Variants in ZBTB40 observed in about 807,000 individuals in gnomAD.
The protein encoded by ZBTB40 is zinc finger and BTB domain containing 40, also known as zinc finger and BTB domain-containing protein 40.
ZBTB40 carries 60 observed loss-of-function variants against 117.5 expected under a neutral mutation model. The ratio of observed to expected loss-of-function variants is 0.51; its 90% CI spans 0.41 to 0.63. The LOEUF (loss-of-function observed/expected upper bound fraction) is 0.63. Among genes scored for constraint, ZBTB40 ranks in the 30% least tolerant of loss-of-function variants. The probability of loss-of-function intolerance (pLI) is 0.00; values close to 1 mark genes in which losing one functional copy is unlikely to be tolerated. For missense variants in ZBTB40, 1,287 were observed against 1,498.5 expected (o/e 0.86, Z 2.33); for synonymous variants, 525 against 577.1 (o/e 0.91, Z 1.29).
At chr1:22,518,720 T>C (rs1444283710) in intron 13 of ZBTB40, among the ~76,000 whole-genome samples, 1 of 152,226 alleles carries the variant, frequency 6.6e-6, no homozygotes, top group Non-Finnish European at 1.5e-5. Flanking sequence ...GAAAATAAAG[T>C]GTGGCCCTTT....
At chr1:22,448,817 T>A (rs549784384), upstream of ZBTB40, among the ~76,000 whole-genome samples, 209 of 151,650 alleles carry the variant, frequency 1.4e-3, no homozygotes, top group African/African-American at 3.9e-3. Flanking sequence ...TTTTTCTTTT[T>A]AAATTTTTTT....
At chr1:22,487,849 GC>G (rs1331410519) in intron 1 of ZBTB40, among the ~76,000 whole-genome samples, 6 of 151,992 alleles carry the variant, frequency 3.9e-5, no homozygotes, top group African/African-American at 1.4e-4. Flanking sequence ...CGTAAGCATG[GC>G]CTATATATCC....
chr1:22,464,359 A>G (rs191803043), intron 1 of ZBTB40, among the ~76,000 whole-genome samples: 13 of 152,358 alleles, frequency 8.5e-5, no homozygotes, highest in Admixed American at 8.5e-4. Context: ...GCAACATTAC[A>G]TGGGCAGTAA....
intron 9 of ZBTB40, among the ~76,000 whole-genome samples, chr1:22,510,788 C>G (rs1423486326): frequency 6.6e-6 from 1 of 152,100 alleles, no homozygotes; most frequent in African/African-American, 2.4e-5. Context: ...ATTATGAAAA[C>G]TTATTCTGAT....
intron 2 of ZBTB40, 150 bp downstream of exon 2, chr1:22,490,795 CTG>C (rs1435412779): frequency 1.6e-5 from 14 of 897,600 alleles, no homozygotes; most frequent in Non-Finnish European, 2.4e-5. Flanking sequence ...TTAAAAGTGT[CTG>C]TGTTTTTGAA....
intron 3 of ZBTB40, among the ~76,000 whole-genome samples, chr1:22,492,191 C>A (rs1431392938): frequency 6.6e-6 from 1 of 152,192 alleles, no homozygotes; most frequent in African/African-American, 2.4e-5. Context: ...AGAATTGAAA[C>A]CTCAGCATTC....
chr1:22,440,310 A>G (rs1315963595), intron 1 of ZBTB40, among the ~76,000 whole-genome samples: 1 of 151,960 alleles, frequency 6.6e-6, no homozygotes, highest in African/African-American at 2.4e-5. Flanking sequence ...AATGCCTTTT[A>G]TTTTTTTCTT....
chr1:22,489,933 G>A lies in ZBTB40; in HGVS notation c.-16G>A, dbSNP rs755238602. 6.2e-7 allele frequency: 1 copy of A among 1,607,678 alleles called. No individual in the cohort carries two copies. Among genetic ancestry groups the A allele is most frequent in the South Asian group, 1.1e-5 (1 of 90,956 alleles). ...GAGAGGAGAGGAAGAGCAGTTCTTGGGGCAGAGTTGACGCAATGGAGCTCC... is the reference window on the plus strand; with the variant it reads ...GAGAGGAGAGGAAGAGCAGTTCTTGAGGCAGAGTTGACGCAATGGAGCTCC... On this transcript the variant is annotated 5_prime_UTR_variant, in exon 2 of 18. Transcript: ENST00000375647.
chr1:22,456,499 A>AT (rs1360190743), intron 1 of ZBTB40, among the ~76,000 whole-genome samples: 1 of 152,110 alleles, frequency 6.6e-6, no homozygotes, highest in Non-Finnish European at 1.5e-5. Flanking sequence ...TGTGAATGTC[A>AT]TTTTTTCTGG....
chr1:22,474,880 G>C (rs894328755), intron 1 of ZBTB40, among the ~76,000 whole-genome samples: 3 of 151,232 alleles, frequency 2.0e-5, no homozygotes, highest in Admixed American at 6.6e-5. Flanking sequence ...TTCCAGCAGA[G>C]CCCAGGCCTC....
intron 1 of ZBTB40, among the ~76,000 whole-genome samples, chr1:22,440,842 G>A (rs182488180): frequency 1.2e-3 from 189 of 152,190 alleles, no homozygotes; most frequent in African/African-American, 4.5e-3. Flanking sequence ...TGGTCATTGT[G>A]TATAATCCTT....
At chr1:22,498,523 C>G (rs1323056891) in intron 3 of ZBTB40, among the ~76,000 whole-genome samples, 1 of 152,204 alleles carries the variant, frequency 6.6e-6, no homozygotes, top group African/African-American at 2.4e-5. Context: ...GCTAACTGCC[C>G]TCTCCTGGCC....
chr1:22,481,479 A>T (rs1638312227), intron 1 of ZBTB40, among the ~76,000 whole-genome samples: 1 of 152,064 alleles, frequency 6.6e-6, no homozygotes, highest in African/African-American at 2.4e-5. Flanking sequence ...AACCTTGCCC[A>T]GTTGCTCATT....
At chr1:22,471,665 C>G (rs1415157254) in intron 1 of ZBTB40, among the ~76,000 whole-genome samples, 1 of 152,222 alleles carries the variant, frequency 6.6e-6, no homozygotes, top group East Asian at 1.9e-4. Context: ...TGGAAAAGGG[C>G]AGAGACCAGT....
rs1639420676 is a variant in ZBTB40, at chr1:22,517,986, C to T, written c.2833+522C>T. ...CTGTCTTTCTCCCCTTCTGTGAGAA[C>T]TGACACAGACAGAAACACACTTTTA... On this transcript the variant is annotated intron_variant, in intron 13 of 17. Coordinates refer to ENST00000375647, the MANE Select transcript of ZBTB40 (RefSeq NM_014870.4). 2.6e-5 allele frequency among the ~76,000 whole-genome samples: 4 copies of T among 152,208 alleles called. No individual in the cohort carries two copies. The South Asian group carries it at 8.3e-4, about 32-fold the overall frequency.
intron 5 of ZBTB40, among the ~76,000 whole-genome samples, chr1:22,504,816 G>A (rs932285069): frequency 2.6e-5 from 4 of 152,228 alleles, no homozygotes; most frequent in African/African-American, 9.6e-5. Context: ...AACTAGGTCT[G>A]TCTGGCTTTA....
intron 1 of ZBTB40, among the ~76,000 whole-genome samples, chr1:22,470,816 G>A (rs905314219): frequency 6.6e-6 from 1 of 152,152 alleles, no homozygotes; most frequent in Non-Finnish European, 1.5e-5. Context: ...TCCACCTGCC[G>A]GGTTGTGGGG....
At chr1:22,490,806 A>G (rs1272568942) in intron 2 of ZBTB40, among the ~76,000 whole-genome samples, 161 bp downstream of exon 2, 1 of 152,214 alleles carries the variant, frequency 6.6e-6, no homozygotes, top group African/African-American at 2.4e-5. Context: ...TGTGTTTTTG[A>G]ACATTGAAAG....
chr1:22,503,538 C>A (rs1639000984), intron 5 of ZBTB40, among the ~76,000 whole-genome samples: 1 of 152,092 alleles, frequency 6.6e-6, no homozygotes, highest in African/African-American at 2.4e-5. Context: ...AATGGCTAAG[C>A]CCTGAATTTA....
Sources: allele counts gnomAD v4.1 joint callset (sites outside exome capture counted in the v4.1 genomes callset), GRCh38; gene constraint gnomAD v4.1.1; transcripts MANE v1.5; gene names NCBI Gene and HGNC (gene_info 2026-07-23, HGNC 2026-07-21).